Variants in NRG1 observed in about 807,000 individuals in gnomAD.
NRG1 encodes neuregulin 1, also known as pro-neuregulin-1, membrane-bound isoform.
Under a neutral mutation model 63.8 loss-of-function variants are expected in NRG1, and 18 were observed. The ratio of observed to expected loss-of-function variants is 0.28; its 90% CI spans 0.19 to 0.42. NRG1 has a LOEUF of 0.42. Ranked by LOEUF, NRG1 falls within the 10% of genes least tolerant of loss-of-function variation. The pLI is 1.00. For synonymous variants in NRG1, 302 were observed against 301.3 expected (o/e 1.00, Z -0.02); for missense variants, 762 against 814.7 (o/e 0.94, Z 0.79).
At chr8:31,865,553 C>T (rs907154338) in intron 1 of NRG1, among the ~76,000 whole-genome samples, 1 of 152,070 alleles carries the variant, frequency 6.6e-6, no homozygotes, top group Non-Finnish European at 1.5e-5. Context: ...GGGCAGTTAC[C>T]TCCATGCTGT....
intron 1 of NRG1, among the ~76,000 whole-genome samples, chr8:31,828,110 G>A (rs971533577): frequency 6.6e-6 from 1 of 152,224 alleles, no homozygotes; most frequent in African/African-American, 2.4e-5. Context: ...TCTGAAGTTT[G>A]TATGAGTTCA....
chr8:31,924,744 C>A (rs550892995), intron 1 of NRG1, among the ~76,000 whole-genome samples: 12 of 151,030 alleles, frequency 7.9e-5, no homozygotes, highest in Non-Finnish European at 1.5e-4. Context: ...CATGTTAGGC[C>A]GTAAGTTTCT....
At chr8:32,361,032 G>A (rs926586502) in intron 1 of NRG1, among the ~76,000 whole-genome samples, 1 of 152,112 alleles carries the variant, frequency 6.6e-6, no homozygotes, top group African/African-American at 2.4e-5. Flanking sequence ...AAATGAACTT[G>A]GCTGTCCGAA....
At chr8:32,300,233 A>G (rs1462673343) in intron 1 of NRG1, among the ~76,000 whole-genome samples, 1 of 152,230 alleles carries the variant, frequency 6.6e-6, no homozygotes, top group Non-Finnish European at 1.5e-5. Context: ...TGAGATCGTT[A>G]ACACTTTTTT....
rs551712912 is a variant in NRG1, at chr8:31,867,918, G to T, written c.37+228487G>T. ...ATGTCACTGAAGGTATATTGTAAAA[G>T]ATAATTTGGCCAACTGTATTGGACC... On this transcript the variant is annotated intron_variant, in intron 1 of 10. Coordinates refer to the NRG1 transcript ENST00000519301. 3.3e-5 allele frequency among the ~76,000 whole-genome samples: 5 copies of T among 152,152 alleles called. No homozygotes were observed. In the South Asian group the frequency reaches 1.0e-3, roughly 32 times the overall value.
intron 1 of NRG1, among the ~76,000 whole-genome samples, chr8:32,060,362 C>A (rs1042389771): frequency 6.6e-6 from 1 of 151,646 alleles, no homozygotes. Context: ...GAGGGAGGGG[C>A]AGGTGATCCA....
At chr8:32,497,655 T>G (rs1405190244) in intron 1 of NRG1, among the ~76,000 whole-genome samples, 1 of 152,118 alleles carries the variant, frequency 6.6e-6, no homozygotes. Flanking sequence ...GCTGCCACTG[T>G]GCAGAGAACT....
chr8:32,226,100 C>T (rs1046504863), intron 1 of NRG1, among the ~76,000 whole-genome samples: 2 of 152,092 alleles, frequency 1.3e-5, no homozygotes, highest in Admixed American at 6.6e-5. Context: ...TTACTGTTTC[C>T]GGTAGAGAAT....
intron 1 of NRG1, among the ~76,000 whole-genome samples, chr8:31,670,721 A>G (rs940180197): frequency 3.9e-5 from 6 of 152,148 alleles, no homozygotes; most frequent in African/African-American, 1.2e-4. Context: ...AGGTGGTGGT[A>G]CTTGGTGGGC....
chr8:32,535,500 G>T (rs530758444), intron 1 of NRG1, among the ~76,000 whole-genome samples: 1 of 151,940 alleles, frequency 6.6e-6, no homozygotes, highest in African/African-American at 2.4e-5. Context: ...AACAAACCAC[G>T]ACCCTCTAAA....
chr8:31,830,889 C>A (rs1437636930), intron 1 of NRG1, among the ~76,000 whole-genome samples: 6 of 152,086 alleles, frequency 3.9e-5, no homozygotes, highest in African/African-American at 1.4e-4. Flanking sequence ...TCAGTCTCAG[C>A]CCCTCCCCCA....
At chr8:32,757,510 T>C (rs543054902) in intron 9 of NRG1, among the ~76,000 whole-genome samples, 11 of 152,350 alleles carry the variant, frequency 7.2e-5, no homozygotes, top group Non-Finnish European at 1.5e-4. Context: ...GCAAGTCTTG[T>C]AGCAAAAACC....
In NRG1 at chr8:31,727,669, A is replaced by G. The variant is rs570133704; in HGVS notation, c.37+88238A>G. 1.7e-4 allele frequency among the ~76,000 whole-genome samples: 26 copies of G among 152,240 alleles called. No individual in the cohort carries two copies. In the South Asian group the frequency reaches 5.0e-3, roughly 29 times the overall value. On this transcript the variant is annotated intron_variant, in intron 1 of 10. Coordinates refer to the NRG1 transcript ENST00000519301. ...CACTGGCCACGTTCAGTAGCCCTCC[A>G]TTACTGAATGGGGCAATTATTCAAG...
chr8:32,309,272 A>G (rs1382517907), intron 1 of NRG1, among the ~76,000 whole-genome samples: 3 of 152,072 alleles, frequency 2.0e-5, no homozygotes, highest in African/African-American at 7.2e-5. Flanking sequence ...GACCTGATAT[A>G]TACACTTAAC....
intron 1 of NRG1, among the ~76,000 whole-genome samples, chr8:32,413,904 G>A (rs1815471581): frequency 6.6e-6 from 1 of 151,038 alleles, no homozygotes; most frequent in African/African-American, 2.4e-5. Flanking sequence ...CCAGGACTCT[G>A]TTGGAAGAGT....
chr8:32,437,783 C>A (rs1818976312), intron 1 of NRG1, among the ~76,000 whole-genome samples: 1 of 152,104 alleles, frequency 6.6e-6, no homozygotes, highest in African/African-American at 2.4e-5. Flanking sequence ...TAGGACATAT[C>A]TGATGGAAAT....
chr8:32,616,739 CT>C, intron 4 of NRG1, 95 bp from the exon 5 acceptor site: 1 of 886,540 alleles, frequency 1.1e-6, no homozygotes, highest in East Asian at 2.4e-5. Context: ...TTCTACTACT[CT>C]TTTACTAGGC....
At chr8:32,374,464 T>C (rs1809352049) in intron 1 of NRG1, among the ~76,000 whole-genome samples, 1 of 152,240 alleles carries the variant, frequency 6.6e-6, no homozygotes, top group Non-Finnish European at 1.5e-5. Flanking sequence ...ATCCTCCTTC[T>C]CTGCTGCCTA....
intron 1 of NRG1, among the ~76,000 whole-genome samples, chr8:32,565,523 C>G (rs929209765): frequency 6.6e-6 from 1 of 152,150 alleles, no homozygotes; most frequent in Non-Finnish European, 1.5e-5. Flanking sequence ...CCCGCTGTAT[C>G]TCTTTTGAAG....
Sources: allele counts gnomAD v4.1 joint callset (sites outside exome capture counted in the v4.1 genomes callset), GRCh38; gene constraint gnomAD v4.1.1; transcripts MANE v1.5; gene names NCBI Gene and HGNC (gene_info 2026-07-23, HGNC 2026-07-21).